Variants in MYO5A observed in about 807,000 individuals in gnomAD.
MYO5A encodes myosin VA.
A neutral mutation model predicts 249.7 loss-of-function variants in MYO5A; 98 were observed. The observed-to-expected ratio is 0.39, with a 90% CI of 0.33 to 0.46. MYO5A has a LOEUF of 0.46. Ranked by LOEUF, MYO5A falls within the 20% of genes least tolerant of loss-of-function variation. MYO5A has a pLI of 0.98. For synonymous variants in MYO5A, 778 were observed against 810.6 expected (o/e 0.96, Z 0.68); for missense variants, 1,696 against 2,308.8 (o/e 0.73, Z 5.44).
In MYO5A at chr15:52,526,396, A is replaced by G. The variant is rs540165380; in HGVS notation, c.27+2384T>C. Reference sequence around the variant, plus strand: ...TATTTATTTATTTATTTTTTGAGACAGAGTTTCGCTCTTGTTGCCCAGGCT... The same window carrying G: ...TATTTATTTATTTATTTTTTGAGACGGAGTTTCGCTCTTGTTGCCCAGGCT... On this transcript the variant is annotated intron_variant, in intron 1 of 41. Transcript: ENST00000399233. 5.1e-4 allele frequency among the ~76,000 whole-genome samples: 78 copies of G among 151,984 alleles called. 2 individuals are homozygous for G. In the South Asian group the frequency reaches 5.9e-3, roughly 12 times the overall value.
chr15:52,374,610 G>C (rs1399997340), intron 20 of MYO5A, among the ~76,000 whole-genome samples: 1 of 152,222 alleles, frequency 6.6e-6, no homozygotes, highest in Non-Finnish European at 1.5e-5. Flanking sequence ...CAGATACACA[G>C]AAGAGAAAAT....
intron 16 of MYO5A, among the ~76,000 whole-genome samples, chr15:52,382,252 T>C (rs2141130805): frequency 6.6e-6 from 1 of 152,344 alleles, no homozygotes; most frequent in East Asian, 1.9e-4. Flanking sequence ...TCCTGAAAAC[T>C]GTCTTTACAA....
intron 1 of MYO5A, 151 bp downstream of exon 1, chr15:52,528,628 CG>C: frequency 1.1e-6 from 1 of 892,590 alleles, no homozygotes; most frequent in South Asian, 2.4e-5. Context: ...AGCGGGCGAC[CG>C]GCTGGTAGGG....
At chr15:52,377,056 T>C (rs1367214627) in intron 18 of MYO5A, among the ~76,000 whole-genome samples, 1 of 152,196 alleles carries the variant, frequency 6.6e-6, no homozygotes, top group Non-Finnish European at 1.5e-5. Flanking sequence ...GAGTTATGTT[T>C]CTAAACAGTT....
rs774314744 is a variant in MYO5A, at chr15:52,391,936, T to C, written c.1536A>G (p.Glu512=). ...CCCAGGAAATCATACTTACCTTGCA[T>C]TCCTCATCCAGTAAATCTAGAATGC... ...KLGILDLLDE[E]CKMPKGTDDT... Residue 512 remains glutamate, a synonymous_variant, in exon 12 of 42, where the codon GAA becomes GAG. Coordinates refer to ENST00000399233, the MANE Select transcript of MYO5A (RefSeq NM_001382347.1). The C allele has an allele frequency of 1.2e-6, 2 of 1,612,672 alleles. No homozygotes were observed. Among genetic ancestry groups the C allele is most frequent in the Non-Finnish European group, 8.5e-7 (1 of 1,179,168 alleles).
intron 4 of MYO5A, among the ~76,000 whole-genome samples, chr15:52,419,259 G>A (rs1396529848): frequency 6.6e-6 from 1 of 152,110 alleles, no homozygotes; most frequent in Non-Finnish European, 1.5e-5. Context: ...TTTTTTGCAG[G>A]CAACCAATCT....
At chr15:52,501,876 T>TACACACACACAC (rs10552352) in intron 1 of MYO5A, among the ~76,000 whole-genome samples, 2 of 140,530 alleles carry the variant, frequency 1.4e-5, no homozygotes, top group African/African-American at 2.5e-5. Flanking sequence ...ATACATATAC[T>TACACACACACAC]ACACACACAC....
chr15:52,407,014 T>G (rs377160049), intron 8 of MYO5A, among the ~76,000 whole-genome samples: 14 of 152,206 alleles, frequency 9.2e-5, no homozygotes, highest in African/African-American at 1.4e-4. Context: ...AACAGTTTTA[T>G]TGAAGGCTAA....
intron 1 of MYO5A, among the ~76,000 whole-genome samples, chr15:52,490,377 G>A (rs969070216): frequency 6.6e-6 from 1 of 152,134 alleles, no homozygotes; most frequent in African/African-American, 2.4e-5. Flanking sequence ...AAAATGTGGT[G>A]TATTTACTCA....
Position 52,467,825 on chromosome 15 carries a change from C to A in MYO5A, c.28-34540G>T, listed in dbSNP as rs183725752. The stretch of plus-strand genomic sequence containing the variant: ...GAAACCCCATCAGACTAATGGCACA[C>A]TTCTCAGCAGAACTCTCACAGGCCA... On this transcript the variant is annotated intron_variant, in intron 1 of 41. Transcript: ENST00000399233. Among the ~76,000 whole-genome samples the A allele has an allele frequency of 1.8e-3, 269 of 152,278 alleles. 1 individual carries two copies. Among genetic ancestry groups the A allele is most frequent in the African/African-American group, 6.2e-3 (256 of 41,552 alleles).
chr15:52,527,545 T>C (rs185338917), intron 1 of MYO5A, among the ~76,000 whole-genome samples: 68 of 152,338 alleles, frequency 4.5e-4, no homozygotes, highest in Non-Finnish European at 7.8e-4. Flanking sequence ...GAGAAATTCA[T>C]AGGTTACAAA....
At chr15:52,389,403 A>AT (rs1467577363) in intron 12 of MYO5A, 40 bp from the exon 13 acceptor site, 1 of 1,588,454 alleles carries the variant, frequency 6.3e-7, no homozygotes, top group African/African-American at 1.3e-5. Context: ...AACAAGGTAA[A>AT]TACTGTGATT....
Position 52,321,341 on chromosome 15 carries a change from G to C in MYO5A, c.4951+18C>G, listed in dbSNP as rs1287644150. ...AATGATAGGCAGGCTGCAATGCCCA[G>C]TGGGGCCCTGGCCTTACCAATCATT... On this transcript the variant is annotated intron_variant, in intron 38 of 41. Transcript: ENST00000399233. 1 of 1,614,130 alleles carries C rather than the reference G, an allele frequency of 6.2e-7. No individual in the cohort carries two copies.
intron 32 of MYO5A, among the ~76,000 whole-genome samples, chr15:52,338,929 T>A (rs2039250097): frequency 6.6e-6 from 1 of 152,188 alleles, no homozygotes; most frequent in African/African-American, 2.4e-5. Context: ...ATTCAGTATA[T>A]TTGGTAATAC....
At chr15:52,524,793 A>G (rs2077700218) in intron 1 of MYO5A, among the ~76,000 whole-genome samples, 1 of 151,906 alleles carries the variant, frequency 6.6e-6, no homozygotes, top group African/African-American at 2.4e-5. Context: ...GCTTGAGCCC[A>G]GGAGTTAAAG....
At chr15:52,372,004 GT>G (rs2041148879) in intron 21 of MYO5A, 119 bp downstream of exon 21, 1 of 1,429,358 alleles carries the variant, frequency 7.0e-7, no homozygotes. Flanking sequence ...AATAAATACG[GT>G]CATAATTTTA....
chr15:52,497,818 A>C (rs1157774459), intron 1 of MYO5A, among the ~76,000 whole-genome samples: 7 of 151,744 alleles, frequency 4.6e-5, no homozygotes, highest in Non-Finnish European at 1.0e-4. Flanking sequence ...ATAACTTAAA[A>C]ACTGCCAAAT....
chr15:52,465,610 T>C (rs1026527884), intron 1 of MYO5A, among the ~76,000 whole-genome samples: 2 of 152,138 alleles, frequency 1.3e-5, no homozygotes, highest in African/African-American at 4.8e-5. Flanking sequence ...TGCGCTATGA[T>C]CATGCCACTG....
chr15:52,524,884 T>TA (rs34875609), intron 1 of MYO5A, among the ~76,000 whole-genome samples: 4,471 of 138,032 alleles, frequency 0.032, 160 homozygotes, highest in African/African-American at 0.097. Context: ...AATAAAAAAT[T>TA]AAAAAAAAAA....
Sources: allele counts gnomAD v4.1 joint callset (sites outside exome capture counted in the v4.1 genomes callset), GRCh38; gene constraint gnomAD v4.1.1; transcripts MANE v1.5; gene names NCBI Gene and HGNC (gene_info 2026-07-23, HGNC 2026-07-21).